Variants in HRH1 observed in about 807,000 individuals in gnomAD.
HRH1 encodes the protein histamine H1 receptor.
HRH1 carries 6 observed loss-of-function variants against 10.3 expected under a neutral mutation model. The ratio of observed to expected loss-of-function variants is 0.58; its 90% confidence interval spans 0.32 to 1.15. The LOEUF is 1.15. HRH1 is among the 50% of genes most tolerant of loss of function. The pLI is 0.05. For missense variants in HRH1, 514 were observed against 615.3 expected (o/e 0.84, Z 1.74); for synonymous variants, 242 against 236.7 (o/e 1.02, Z -0.21).
chr3:11,208,153 C>CTTT (rs113950173), intron 1 of HRH1, among the ~76,000 whole-genome samples: 2 of 139,928 alleles, frequency 1.4e-5, no homozygotes, highest in Non-Finnish European at 3.1e-5. Flanking sequence ...CCAGTTTTTT[C>CTTT]TTTTTTTTTT....
upstream of HRH1, among the ~76,000 whole-genome samples, chr3:11,150,932 A>T (rs1433010108): frequency 2.6e-5 from 4 of 152,200 alleles, no homozygotes; most frequent in Non-Finnish European, 5.9e-5. Flanking sequence ...AATCCTGACA[A>T]CAGCACTGTG....
intron 1 of HRH1, among the ~76,000 whole-genome samples, chr3:11,252,347 C>T (rs1939674313): frequency 6.6e-6 from 1 of 152,154 alleles, no homozygotes; most frequent in African/African-American, 2.4e-5. Flanking sequence ...AAATTTAAGA[C>T]ATGGGTTGAG....
At chr3:11,181,000 C>T (rs1345961803) in intron 1 of HRH1, among the ~76,000 whole-genome samples, 23 of 149,356 alleles carry the variant, frequency 1.5e-4, no homozygotes, top group Non-Finnish European at 3.0e-5. Context: ...CACACACACA[C>T]GGCCAGGCGC....
intron 1 of HRH1, among the ~76,000 whole-genome samples, chr3:11,160,935 G>A (rs911765152): frequency 6.6e-6 from 1 of 152,224 alleles, no homozygotes; most frequent in Non-Finnish European, 1.5e-5. Context: ...GGTCTGGTGA[G>A]CTAACATGGG....
At chr3:11,171,680 A>G (rs1048726640) in intron 1 of HRH1, among the ~76,000 whole-genome samples, 5 of 152,352 alleles carry the variant, frequency 3.3e-5, no homozygotes, top group African/African-American at 1.2e-4. Flanking sequence ...CTCACTCTTC[A>G]AACAGTCCAG....
chr3:11,183,201 C>G (rs1937389438), intron 1 of HRH1, among the ~76,000 whole-genome samples: 1 of 152,132 alleles, frequency 6.6e-6, no homozygotes, highest in Non-Finnish European at 1.5e-5. Context: ...CCAAGGCCAA[C>G]CTCAGCCTAG....
chr3:11,180,271 A>G (rs1280844647), intron 1 of HRH1, among the ~76,000 whole-genome samples: 4 of 151,988 alleles, frequency 2.6e-5, no homozygotes, highest in African/African-American at 9.7e-5. Context: ...GCAGTCCCCA[A>G]CCTTTTTGGC....
At chr3:11,221,421 A>C (rs1479142364) in intron 1 of HRH1, among the ~76,000 whole-genome samples, 1 of 151,840 alleles carries the variant, frequency 6.6e-6, no homozygotes, top group Non-Finnish European at 1.5e-5. Context: ...CGGCCATGGC[A>C]GCATGCACCT....
intron 1 of HRH1, among the ~76,000 whole-genome samples, chr3:11,177,554 A>G (rs947706040): frequency 2.0e-5 from 3 of 152,050 alleles, no homozygotes; most frequent in African/African-American, 7.2e-5. Context: ...GCTCACATTC[A>G]TAACTCTCAC....
At chr3:11,147,043 G>A (rs143878503) in intron 1 of HRH1, among the ~76,000 whole-genome samples, 60 of 152,334 alleles carry the variant, frequency 3.9e-4, no homozygotes, top group African/African-American at 1.2e-3. Context: ...ATTTCCTCGC[G>A]TGTGATGGAA....
chr3:11,248,475 T>C (rs922684861), intron 1 of HRH1, among the ~76,000 whole-genome samples: 5 of 152,204 alleles, frequency 3.3e-5, no homozygotes, highest in Non-Finnish European at 7.3e-5. Flanking sequence ...TGTCTTCAGC[T>C]TTCTTGGTCG....
chr3:11,223,218 G>A (rs1401373576), intron 1 of HRH1, among the ~76,000 whole-genome samples: 4 of 132,870 alleles, frequency 3.0e-5, no homozygotes, highest in Admixed American at 8.1e-5. Flanking sequence ...AAAAGTCCAG[G>A]CACAGTGGCT....
intron 1 of HRH1, among the ~76,000 whole-genome samples, chr3:11,243,659 A>C (rs1939406426): frequency 6.6e-6 from 1 of 152,156 alleles, no homozygotes; most frequent in South Asian, 2.1e-4. Flanking sequence ...CAATTCCTCA[A>C]ACTCAGCTGT....
chr3:11,195,206 T>G (rs35212676), intron 1 of HRH1, among the ~76,000 whole-genome samples: 71 of 152,332 alleles, frequency 4.7e-4, no homozygotes, highest in Non-Finnish European at 8.5e-4. Context: ...TCTTGTTACC[T>G]GTAACCAAGA....
chr3:11,202,864 G>A (rs1364118663), intron 1 of HRH1, among the ~76,000 whole-genome samples: 5 of 152,062 alleles, frequency 3.3e-5, no homozygotes, highest in Non-Finnish European at 7.4e-5. Flanking sequence ...TTCTAATACC[G>A]TGCATTTTTT....
intron 1 of HRH1, among the ~76,000 whole-genome samples, chr3:11,212,771 A>T (rs905365835): frequency 1.3e-5 from 2 of 152,200 alleles, no homozygotes; most frequent in African/African-American, 4.8e-5. Flanking sequence ...GTTGTCCTTT[A>T]GTGGCTCCCT....
chr3:11,252,636 A>G (rs1266781720), intron 1 of HRH1: 2 of 152,176 alleles, frequency 1.3e-5, no homozygotes, highest in African/African-American at 4.8e-5. Context: ...TTACTGTACT[A>G]TCTGATTAAT....
intron 1 of HRH1, among the ~76,000 whole-genome samples, chr3:11,185,645 C>T (rs544959318): frequency 8.4e-4 from 128 of 152,244 alleles, no homozygotes; most frequent in African/African-American, 3.0e-3. Flanking sequence ...GCCACTTTCT[C>T]GGGTGAGCTG....
At chr3:11,242,094 G>A (rs773863814) in intron 1 of HRH1, among the ~76,000 whole-genome samples, 1 of 152,134 alleles carries the variant, frequency 6.6e-6, no homozygotes, top group Non-Finnish European at 1.5e-5. Context: ...GAGGCAATCC[G>A]CTTGGGTCAC....
Sources: gnomAD v4.1 joint callset for allele counts (sites outside exome capture counted in the v4.1 genomes callset) on GRCh38, gnomAD v4.1.1 for gene constraint, MANE v1.5 for transcripts, NCBI Gene and HGNC (gene_info 2026-07-23, HGNC 2026-07-21) for gene names.